Variants in FGF13 observed in about 807,000 individuals in gnomAD.
FGF13 encodes the protein fibroblast growth factor 13.
Under a neutral mutation model 19.5 loss-of-function variants are expected in FGF13, and 2 were observed. The ratio of observed to expected loss-of-function variants is 0.10; its 90% CI spans 0.04 to 0.32. The LOEUF is 0.32. FGF13 is among the 10% of genes least tolerant of loss of function. The pLI is 1.00. For missense variants in FGF13, 113 were observed against 192.7 expected, an observed-to-expected ratio of 0.59 and a Z score of 2.45; for synonymous variants, 72 against 76.9, an observed-to-expected ratio of 0.94 and a Z score of 0.33.
intron 1 of FGF13, among the ~76,000 whole-genome samples, chrX:139,003,279 G>C (rs1037558924): frequency 1.4e-4 from 15 of 110,027 alleles, no homozygotes; most frequent in African/African-American, 5.0e-4. Flanking sequence ...GGAGTTGTTC[G>C]TTCCTCCCGG....
rs748785543 is a variant in FGF13 at position 139,141,102 on chromosome X, T to TACACACAC, written c.-113+62306_-113+62313dup. On this transcript the variant is annotated intron_variant, in intron 1 of 2. Coordinates refer to the FGF13 transcript ENST00000421460. ...ATAGATAGATAGATAGATAAGAGTG[T>TACACACAC]ACACACACACACACACACACACACA... Among the ~76,000 whole-genome samples, 914 of 97,186 alleles carry TACACACAC rather than the reference T, an allele frequency of 9.4e-3. 17 individuals carry two copies. The highest frequency in any genetic ancestry group is 0.033 in the African/African-American group (867 of 26,002). 84.4% of individuals were successfully genotyped at this position (97,186 alleles called of 115,157 possible).
chrX:139,054,370 G>C (rs745329248), intron 1 of FGF13, among the ~76,000 whole-genome samples: 1 of 110,184 alleles, frequency 9.1e-6, no homozygotes, highest in Non-Finnish European at 1.9e-5. Context: ...TGATCCGCCC[G>C]CCTCAGCCTC....
intron 1 of FGF13, among the ~76,000 whole-genome samples, chrX:139,170,931 C>T (rs2084127476): frequency 8.9e-6 from 1 of 111,793 alleles, no homozygotes; most frequent in Middle Eastern, 4.6e-3. Context: ...TTCTGTTAGC[C>T]AACACATCAC....
chrX:138,723,035 C>T (rs866327909), intron 1 of FGF13, among the ~76,000 whole-genome samples: 46 of 111,504 alleles, frequency 4.1e-4, no homozygotes, highest in African/African-American at 1.3e-3. Context: ...AAAGATACGA[C>T]GAGATTAAAA....
chrX:139,145,041 G>A (rs1445482503), intron 1 of FGF13, among the ~76,000 whole-genome samples: 1 of 111,684 alleles, frequency 9.0e-6, no homozygotes, highest in East Asian at 2.8e-4. Context: ...AAAAATGTAG[G>A]TCAAAACAAC....
chrX:138,984,533 G>GAAGAAC (rs2091980269), intron 1 of FGF13, among the ~76,000 whole-genome samples: 3 of 24,677 alleles, frequency 1.2e-4, no homozygotes, highest in African/African-American at 1.6e-4. Flanking sequence ...GGAAGAAGAA[G>GAAGAAC]AAGAAGAAGA....
At chrX:138,892,151 G>A (rs1294993834) in intron 1 of FGF13, among the ~76,000 whole-genome samples, 1 of 110,432 alleles carries the variant, frequency 9.1e-6, no homozygotes, top group Non-Finnish European at 1.9e-5. Flanking sequence ...GCACTTTTAG[G>A]GCAGAGATTA....
chrX:139,090,288 G>A (rs1377921894), intron 1 of FGF13, among the ~76,000 whole-genome samples: 1 of 111,493 alleles, frequency 9.0e-6, no homozygotes, highest in Non-Finnish European at 1.9e-5. Flanking sequence ...CACACCACTA[G>A]TAAATCACAA....
At chrX:138,969,960 A>G (rs2091908976) in intron 1 of FGF13, among the ~76,000 whole-genome samples, 1 of 111,683 alleles carries the variant, frequency 9.0e-6, no homozygotes, top group Non-Finnish European at 1.9e-5. Flanking sequence ...TAGAGAATTG[A>G]GTGTGCGTGT....
chrX:138,767,302 A>G (rs1030954745), intron 3 of FGF13, among the ~76,000 whole-genome samples: 53 of 111,984 alleles, frequency 4.7e-4, no homozygotes, highest in Non-Finnish European at 8.6e-4. Context: ...TAAAATCCAC[A>G]TAGCCCATTT....
chrX:139,061,940 T>C (rs1269546413), intron 1 of FGF13, among the ~76,000 whole-genome samples: 2 of 103,969 alleles, frequency 1.9e-5, no homozygotes, highest in Non-Finnish European at 3.9e-5. Context: ...TATTGCGTTC[T>C]CTGAGCTCCT....
At chrX:138,924,907 C>T (rs1213547654) in intron 1 of FGF13, among the ~76,000 whole-genome samples, 2 of 109,559 alleles carry the variant, frequency 1.8e-5, no homozygotes, top group African/African-American at 6.7e-5. Flanking sequence ...AATTAAAGTC[C>T]TGGTAGTGGT....
chrX:138,731,448 A>C (rs2090230145), intron 1 of FGF13, among the ~76,000 whole-genome samples: 1 of 100,209 alleles, frequency 1.0e-5, no homozygotes, highest in African/African-American at 3.5e-5. Context: ...AGTCATGAGT[A>C]AAAAAAAAAA....
At position 138,621,737 on chromosome X, in the gene FGF13, A is replaced by G. The variant is rs1409263054; in HGVS notation, c.*11113T>C. On this transcript the variant is annotated 3_prime_UTR_variant, in exon 5 of 5. Coordinates refer to ENST00000315930, the MANE Select transcript of FGF13 (RefSeq NM_004114.5). ...GAGTGAAAGAGAAAAGACATAAACA[A>G]ATAAAATCAGAAATGAAAGAGAAGA... 1 of 111,512 alleles carries G rather than the reference A, an allele frequency of 9.0e-6. No individual in the cohort carries two copies. The highest frequency in any genetic ancestry group is 1.9e-5 in the Non-Finnish European group (1 of 53,024). The allele number at this position is 111,512 out of a possible 1,213,427, so 9.2% of individuals were successfully genotyped here. A position where few individuals can be genotyped will look rare whatever the true frequency, so the allele number is the denominator to read the frequency against.
At chrX:138,933,922 A>G (rs982559062) in intron 1 of FGF13, among the ~76,000 whole-genome samples, 1 of 112,121 alleles carries the variant, frequency 8.9e-6, no homozygotes, top group African/African-American at 3.2e-5. Flanking sequence ...AACTGTATAC[A>G]TTAAACTGGA....
chrX:138,968,258 C>T (rs768010775), intron 1 of FGF13, among the ~76,000 whole-genome samples: 10 of 111,747 alleles, frequency 8.9e-5, no homozygotes, highest in South Asian at 3.7e-4. Flanking sequence ...TAAACCAAAC[C>T]GCAAAGGGAA....
At chrX:139,190,471 T>G (rs1331135581) in intron 1 of FGF13, among the ~76,000 whole-genome samples, 3 of 112,085 alleles carry the variant, frequency 2.7e-5, no homozygotes, top group African/African-American at 9.7e-5. Context: ...CCTGAATCTG[T>G]TACTGTGTCA....
rs946271776 is a variant in FGF13 at position 138,692,718 on chromosome X, GTA to G, written c.402+10264_402+10265del. 6.5e-5 allele frequency among the ~76,000 whole-genome samples: 7 copies of G among 108,526 alleles called. No homozygotes were observed. In the Admixed American group the frequency reaches 6.9e-4, roughly 11 times the overall value. The allele number at this position is 108,526 out of a possible 115,157, so 94.2% of individuals were successfully genotyped here. A position where few individuals can be genotyped will look rare whatever the true frequency, so the allele number is the denominator to read the frequency against. ...TTCTTATATGTGTGTGTGCATGTGT[GTA>G]TGTGTGTGTGTGTGTGTAAATCCCC... On this transcript the variant is annotated intron_variant, in intron 3 of 4. Coordinates refer to ENST00000315930, the MANE Select transcript of FGF13 (RefSeq NM_004114.5).
upstream of FGF13, chrX:139,204,097 T>C: frequency 8.3e-7 from 1 of 1,210,322 alleles, no homozygotes; most frequent in Non-Finnish European, 1.1e-6. Context: ...CTTGGTCACC[T>C]TTCCACTCAT....
Sources: allele counts gnomAD v4.1 joint callset (sites outside exome capture counted in the v4.1 genomes callset), GRCh38; gene constraint gnomAD v4.1.1; transcripts MANE v1.5; gene names NCBI Gene and HGNC (gene_info 2026-07-23, HGNC 2026-07-21).